The following GALNT7 variants were observed in gnomAD, a reference collection of about 807,000 sequenced individuals.
The protein encoded by GALNT7 is N-acetylgalactosaminyltransferase 7.
Under a neutral mutation model 82.1 loss-of-function variants are expected in GALNT7, and 60 were observed. That is an observed-to-expected ratio of 0.73 (90% CI 0.59 to 0.91). The LOEUF is 0.91. Ranked by LOEUF, GALNT7 falls within the 40% of genes least tolerant of loss-of-function variation. The probability of loss-of-function intolerance (pLI) is 0.00; values close to 1 mark genes in which losing one functional copy is unlikely to be tolerated. For missense variants in GALNT7, 660 were observed against 804.2 expected (o/e 0.82, Z 2.17); for synonymous variants, 243 against 275.1 (o/e 0.88, Z 1.15).
intron 1 of GALNT7, among the ~76,000 whole-genome samples, chr4:173,224,856 A>C (rs952809765): frequency 6.0e-5 from 9 of 148,874 alleles, no homozygotes; most frequent in Non-Finnish European, 1.0e-4. Flanking sequence ...ACTAAAAATT[A>C]AAAAAAAAAT....
chr4:173,225,018 A>AAATAATAAT (rs70944438), intron 1 of GALNT7, among the ~76,000 whole-genome samples: 1,835 of 144,542 alleles, frequency 0.013, 56 homozygotes, highest in African/African-American at 0.044. Flanking sequence ...CTGTCTCAAA[A>AAATAATAAT]AATAATAATA....
intron 1 of GALNT7, among the ~76,000 whole-genome samples, chr4:173,179,759 A>T (rs891072194): frequency 2.0e-5 from 3 of 152,208 alleles, no homozygotes; most frequent in African/African-American, 4.8e-5. Flanking sequence ...TTTGGTTTTT[A>T]AAAAATATAT....
At chr4:173,207,450 C>T (rs1225692575) in intron 1 of GALNT7, among the ~76,000 whole-genome samples, 1 of 151,908 alleles carries the variant, frequency 6.6e-6, no homozygotes, top group Middle Eastern at 3.2e-3. Context: ...TGTTTTGTAC[C>T]TATAGCTTAG....
At chr4:173,307,689 G>A (rs1737210694) in intron 8 of GALNT7, among the ~76,000 whole-genome samples, 1 of 152,218 alleles carries the variant, frequency 6.6e-6, no homozygotes, top group Admixed American at 6.5e-5. Flanking sequence ...TAAAGGCGTG[G>A]CTCTGAGGCC....
At chr4:173,216,027 G>A (rs903584484) in intron 1 of GALNT7, among the ~76,000 whole-genome samples, 2 of 152,158 alleles carry the variant, frequency 1.3e-5, no homozygotes, top group Admixed American at 1.3e-4. Context: ...GGGAGGCTGA[G>A]GTGGGAGGAT....
At chr4:173,262,982 T>C (rs887460806) in intron 2 of GALNT7, among the ~76,000 whole-genome samples, 2 of 152,242 alleles carry the variant, frequency 1.3e-5, no homozygotes, top group Admixed American at 1.3e-4. Flanking sequence ...TATATTATTA[T>C]GAAGAATAAC....
At chr4:173,265,983 C>T (rs946821812) in intron 2 of GALNT7, among the ~76,000 whole-genome samples, 1 of 152,078 alleles carries the variant, frequency 6.6e-6, no homozygotes, top group African/African-American at 2.4e-5. Context: ...ACTGGCCAGG[C>T]TCAATGGCTC....
chr4:173,257,515 A>C (rs1345121574), intron 2 of GALNT7, among the ~76,000 whole-genome samples: 2 of 152,224 alleles, frequency 1.3e-5, no homozygotes, highest in African/African-American at 4.8e-5. Context: ...CTTAGCACCA[A>C]AGCCAAGCTA....
chr4:173,170,738 A>T (rs1731832386), intron 1 of GALNT7, among the ~76,000 whole-genome samples: 1 of 152,232 alleles, frequency 6.6e-6, no homozygotes, highest in Non-Finnish European at 1.5e-5. Flanking sequence ...ATGTAGCTAG[A>T]AATGTTTAAC....
At chr4:173,319,123 A>G (rs1410542770) in intron 11 of GALNT7, among the ~76,000 whole-genome samples, 1 of 152,106 alleles carries the variant, frequency 6.6e-6, no homozygotes, top group African/African-American at 2.4e-5. Context: ...CTGCTGGGGT[A>G]GCTTTGTGTT....
At position 173,321,590 on chromosome 4, in the gene GALNT7, G is replaced by T. The variant is rs1737819458; in HGVS notation, c.1847G>T (p.Arg616Ile). The T allele has an allele frequency of 6.2e-7, 1 of 1,611,604 alleles. No individual in the cohort carries two copies. Among genetic ancestry groups the T allele is most frequent in the Non-Finnish European group, 8.5e-7 (1 of 1,178,124 alleles). The change falls in exon 12 of 12, where the codon AGA becomes ATA. Residue 616 changes from arginine (R) to isoleucine (I), a missense_variant. Around this residue, in one of 2 missense-constraint regions of GALNT7, gnomAD observed 527 missense variants for 683.5 expected, o/e 0.77. Coordinates refer to ENST00000265000, the MANE Select transcript of GALNT7 (RefSeq NM_017423.3). ...TACTGTGTTTTCCAGAACCTGCACAGATTTACTCATATTCCTTCAGGAAAG... is the reference window on the plus strand; with the variant it reads ...TACTGTGTTTTCCAGAACCTGCACATATTTACTCATATTCCTTCAGGAAAG... Reference protein sequence around the residue: ...KEWQYFKNLHRFTHIPSGKCL... With the variant: ...KEWQYFKNLHIFTHIPSGKCL...
At chr4:173,178,052 T>TGCGCGCGCGCGC (rs60869480) in intron 1 of GALNT7, among the ~76,000 whole-genome samples, 49 of 129,508 alleles carry the variant, frequency 3.8e-4, no homozygotes, top group East Asian at 1.4e-3. Flanking sequence ...TGTGTGTGTG[T>TGCGCGCGCGCGC]GCGCGCACGC....
intron 1 of GALNT7, among the ~76,000 whole-genome samples, chr4:173,221,711 T>C (rs1486429187): frequency 1.3e-5 from 2 of 152,208 alleles, no homozygotes; most frequent in Non-Finnish European, 2.9e-5. Flanking sequence ...TTAACTTTCT[T>C]TGAGAAAGTT....
chr4:173,213,365 C>T (rs886085288), intron 1 of GALNT7, among the ~76,000 whole-genome samples: 6 of 151,882 alleles, frequency 4.0e-5, no homozygotes, highest in African/African-American at 7.3e-5. Context: ...TTAGAAGGTA[C>T]CTTGTTCAGA....
chr4:173,176,801 G>C (rs973710145), intron 1 of GALNT7, among the ~76,000 whole-genome samples: 2 of 152,192 alleles, frequency 1.3e-5, no homozygotes, highest in African/African-American at 4.8e-5. Flanking sequence ...TGGAATGGAA[G>C]AGAGGACTCT....
At chr4:173,200,573 ATAT>A (rs1323269480) in intron 1 of GALNT7, among the ~76,000 whole-genome samples, 2 of 152,196 alleles carry the variant, frequency 1.3e-5, no homozygotes, top group Admixed American at 6.5e-5. Context: ...GTGCAAGACC[ATAT>A]TATTCTAGTT....
Position 173,248,210 on chromosome 4 carries a change from A to G in GALNT7, c.357A>G (p.Thr119=). 3 of 1,613,890 alleles carry G rather than the reference A, an allele frequency of 1.9e-6. No individual in the cohort carries two copies. The highest frequency in any genetic ancestry group is 1.3e-5 in the African/African-American group (1 of 75,032). ...QRQYLTFKPQ[T]FTYHDPVLRP... ...AGTATCTCACATTTAAGCCTCAGAC[A>G]TTCACCTACCATGATCCTGTGCTTC... The change falls in exon 2 of 12, where the codon ACA becomes ACG. Residue 119 remains threonine (T), a synonymous_variant. Transcript: ENST00000265000.
intron 1 of GALNT7, among the ~76,000 whole-genome samples, chr4:173,230,976 A>C (rs916905761): frequency 6.6e-6 from 1 of 152,224 alleles, no homozygotes; most frequent in Admixed American, 6.5e-5. Flanking sequence ...CCATAGCCAC[A>C]GCACTACTTT....
intron 2 of GALNT7, among the ~76,000 whole-genome samples, chr4:173,269,840 G>A (rs950976153): frequency 2.0e-5 from 3 of 152,012 alleles, no homozygotes; most frequent in Admixed American, 1.3e-4. Flanking sequence ...GATAGACCAC[G>A]GCCATAAAGT....
Sources: allele counts gnomAD v4.1 joint callset (sites outside exome capture counted in the v4.1 genomes callset), GRCh38; gene constraint gnomAD v4.1.1; regional missense constraint gnomAD v4.1.1; transcripts MANE v1.5; gene names NCBI Gene and HGNC (gene_info 2026-07-23, HGNC 2026-07-21).